Variants in RBFOX1 observed in about 807,000 individuals in gnomAD.
RBFOX1 encodes RNA binding protein fox-1 homolog 1.
A neutral mutation model predicts 57.7 loss-of-function variants in RBFOX1; 8 were observed. The ratio of observed to expected loss-of-function variants is 0.14; its 90% CI spans 0.08 to 0.25. The LOEUF is 0.25. Ranked by LOEUF, RBFOX1 falls within the 10% of genes least tolerant of loss-of-function variation. The probability of loss-of-function intolerance (pLI) is 1.00; values close to 1 mark genes in which losing one functional copy is unlikely to be tolerated. For missense variants in RBFOX1, 611 were observed against 548.5 expected (o/e 1.11, Z -1.14); for synonymous variants, 326 against 222.4 (o/e 1.47, Z -4.15).
intron 2 of RBFOX1, among the ~76,000 whole-genome samples, chr16:6,581,445 G>A (rs1350316353): frequency 6.6e-6 from 1 of 152,142 alleles, no homozygotes; most frequent in Non-Finnish European, 1.5e-5. Context: ...CCCCAGCTGT[G>A]TTGGCTGTTG....
In RBFOX1 at chr16:7,552,465, A is replaced by G. The variant is rs2086857205; in HGVS notation, c.271-27312A>G. 2.6e-5 allele frequency among the ~76,000 whole-genome samples: 4 copies of G among 152,278 alleles called. No homozygotes were observed. The South Asian group carries it at 8.3e-4, about 32-fold the overall frequency. On this transcript the variant is annotated intron_variant, in intron 5 of 15. Coordinates refer to ENST00000550418, the MANE Select transcript of RBFOX1 (RefSeq NM_018723.4). ...AGCAGGGTGTCTTCAGAGAAGTTGC[A>G]GAGTTGAGTCTAATGGAACGGCCTG...
chr16:6,943,700 T>C (rs1298876727), intron 3 of RBFOX1, among the ~76,000 whole-genome samples: 1 of 142,272 alleles, frequency 7.0e-6, no homozygotes, highest in Non-Finnish European at 1.5e-5. Flanking sequence ...AGAGTGAGAC[T>C]CTGTCTTTAA....
intron 4 of RBFOX1, among the ~76,000 whole-genome samples, chr16:7,111,567 T>C (rs1400515718): frequency 2.0e-5 from 3 of 152,118 alleles, no homozygotes; most frequent in African/African-American, 7.2e-5. Context: ...TTTATCAGCT[T>C]ATCCTGTGTG....
chr16:6,980,708 C>T (rs927177254), intron 3 of RBFOX1, among the ~76,000 whole-genome samples: 2 of 152,080 alleles, frequency 1.3e-5, no homozygotes, highest in Non-Finnish European at 2.9e-5. Context: ...TTGGAGGGAG[C>T]AATGTCATCA....
rs60731674 is a variant in RBFOX1 at position 6,680,294 on chromosome 16, T to TTTTTTTTTTTTTTTG, written c.-16+25644_-16+25645insTTTTTTTTTTTTTTG. On this transcript the variant is annotated intron_variant, in intron 3 of 15. Coordinates refer to ENST00000550418, the MANE Select transcript of RBFOX1 (RefSeq NM_018723.4). ...TCTCTCTTTTTTTTTTTTTTTTTTT[T>TTTTTTTTTTTTTTTG]ATTTGTCGCCCAGGCTGGAGTGCAG... Among the ~76,000 whole-genome samples, 87 of 103,044 alleles carry TTTTTTTTTTTTTTTG rather than the reference T, an allele frequency of 8.4e-4. 2 individuals are homozygous for TTTTTTTTTTTTTTTG. Among genetic ancestry groups the TTTTTTTTTTTTTTTG allele is most frequent in the African/African-American group, 2.0e-3 (55 of 27,822 alleles). The allele number at this position is 103,044 out of a possible 152,430, so 67.6% of individuals were successfully genotyped here.
At chr16:5,996,305 A>G (rs140473910) in intron 4 of RBFOX1, among the ~76,000 whole-genome samples, 89 of 152,106 alleles carry the variant, frequency 5.9e-4, no homozygotes, top group African/African-American at 2.0e-3. Flanking sequence ...GACGATGTAG[A>G]CTCCACAGAA....
At chr16:7,000,596 CTTTTTT>C (rs759103545) in intron 3 of RBFOX1, among the ~76,000 whole-genome samples, 1 of 92,594 alleles carries the variant, frequency 1.1e-5, no homozygotes, top group Non-Finnish European at 2.0e-5. Context: ...CTTTTTCTTT[CTTTTTT>C]TTTTTTTTTT....
intron 3 of RBFOX1, among the ~76,000 whole-genome samples, chr16:7,032,669 T>C (rs1271108203): frequency 6.6e-6 from 1 of 152,116 alleles, no homozygotes; most frequent in African/African-American, 2.4e-5. Context: ...AAGACGATAA[T>C]CTCTAATAAT....
chr16:7,695,649 CAAAAAAAAAAAAA>C (rs34363093), intron 14 of RBFOX1, among the ~76,000 whole-genome samples: 1 of 98,400 alleles, frequency 1.0e-5, no homozygotes, highest in South Asian at 3.7e-4. Flanking sequence ...AAGCCTCCAT[CAAAAAAAAAAAAA>C]AAAAAAAAAA....
At chr16:6,411,066 T>C (rs1596799032) in intron 2 of RBFOX1, among the ~76,000 whole-genome samples, 1 of 152,162 alleles carries the variant, frequency 6.6e-6, no homozygotes, top group Non-Finnish European at 1.5e-5. Flanking sequence ...GAGAAGCTAG[T>C]ATTATTCCCC....
rs1567865361 is a variant in RBFOX1 at position 7,567,298 on chromosome 16, TGGC to T, written c.271-12478_271-12476del. Among the ~76,000 whole-genome samples the T allele has an allele frequency of 1.2e-3, 56 of 47,168 alleles. 6 individuals carry two copies. The highest frequency in any genetic ancestry group is 3.6e-3 in the African/African-American group (52 of 14,362). 30.9% of individuals were successfully genotyped at this position (47,168 alleles called of 152,430 possible). ...ATATATCCCTATATATCCTTATATA[TGGC>T]CCTATATATATATATATATATCTCC... On this transcript the variant is annotated intron_variant, in intron 5 of 15. Transcript: ENST00000550418.
intron 1 of RBFOX1, among the ~76,000 whole-genome samples, chr16:5,326,155 A>G (rs950208218): frequency 2.6e-5 from 4 of 152,162 alleles, no homozygotes; most frequent in Admixed American, 1.3e-4. Flanking sequence ...AGCCATTCTG[A>G]TAGGCATGTC....
Position 5,324,994 on chromosome 16 carries a change from C to A in RBFOX1, c.219+84889C>A, listed in dbSNP as rs147786597. ...TGTTCCCAGATCTATCAGCAAGATA[C>A]AGTATTTGGGTGAAATCTGTACAAC... On this transcript the variant is annotated intron_variant, in intron 1 of 2. Coordinates refer to the RBFOX1 transcript ENST00000585867. Among the ~76,000 whole-genome samples the A allele has an allele frequency of 1.5e-3, 232 of 152,286 alleles. 1 individual carries two copies. The highest frequency in any genetic ancestry group is 5.3e-3 in the African/African-American group (221 of 41,544).
At chr16:7,001,402 A>G (rs1302749061) in intron 3 of RBFOX1, among the ~76,000 whole-genome samples, 6 of 70,986 alleles carry the variant, frequency 8.5e-5, no homozygotes, top group Admixed American at 6.1e-4. Context: ...GTGTATTTGT[A>G]TATGTATATG....
At chr16:5,498,617 G>A (rs1386067) in intron 2 of RBFOX1, among the ~76,000 whole-genome samples, 17,013 of 152,240 alleles carry the variant, frequency 0.11, 1,125 homozygotes, top group Middle Eastern at 0.18. Context: ...TGTTGTTTAG[G>A]CAGGAGAAGA....
At chr16:6,261,579 A>C (rs2097701642) in intron 1 of RBFOX1, among the ~76,000 whole-genome samples, 1 of 152,190 alleles carries the variant, frequency 6.6e-6, no homozygotes, top group African/African-American at 2.4e-5. Flanking sequence ...CAGCCAGTCC[A>C]TCAAGCTTCA....
intron 3 of RBFOX1, among the ~76,000 whole-genome samples, chr16:6,752,452 A>G (rs1312570913): frequency 6.6e-6 from 1 of 152,210 alleles, no homozygotes; most frequent in African/African-American, 2.4e-5. Flanking sequence ...TGTAGAATTT[A>G]GAGATGGAAT....
chr16:5,332,848 C>A (rs1032641386), intron 1 of RBFOX1, among the ~76,000 whole-genome samples: 1 of 152,002 alleles, frequency 6.6e-6, no homozygotes, highest in African/African-American at 2.4e-5. Context: ...CTATTATTTT[C>A]TGTTCCCGAG....
At chr16:7,191,038 A>C (rs893130322) in intron 4 of RBFOX1, among the ~76,000 whole-genome samples, 1 of 152,152 alleles carries the variant, frequency 6.6e-6, no homozygotes, top group Non-Finnish European at 1.5e-5. Context: ...CTAGATGATC[A>C]ATCCTATTCG....
Sources: allele counts gnomAD v4.1 joint callset (sites outside exome capture counted in the v4.1 genomes callset), GRCh38; gene constraint gnomAD v4.1.1; transcripts MANE v1.5; gene names NCBI Gene and HGNC (gene_info 2026-07-23, HGNC 2026-07-21).